The following PPARGC1A variants were observed in gnomAD, a reference collection of about 807,000 sequenced individuals.
PPARGC1A encodes peroxisome proliferator-activated receptor gamma coactivator 1-alpha.
Under a neutral mutation model 88.7 loss-of-function variants are expected in PPARGC1A, and 25 were observed. The ratio of observed to expected loss-of-function variants is 0.28; its 90% confidence interval spans 0.21 to 0.39. The LOEUF (loss-of-function observed/expected upper bound fraction) is 0.39, where lower values mean the gene tolerates loss of function less well. PPARGC1A is among the 10% of genes least tolerant of loss of function. PPARGC1A has a pLI of 1.00. For synonymous variants in PPARGC1A, 363 were observed against 355.6 expected, an observed-to-expected ratio of 1.02 and a Z score of -0.24; for missense variants, 880 against 968.7, an observed-to-expected ratio of 0.91 and a Z score of 1.22.
chr4:24,136,972 G>A, the PPARGC1A span, among the ~76,000 whole-genome samples: 1 of 151,992 alleles, frequency 6.6e-6, no homozygotes, highest in Non-Finnish European at 1.5e-5. Flanking sequence ...AAATTAGCCA[G>A]GTGTGGTGGC....
At chr4:24,121,641 A>G in the PPARGC1A span, among the ~76,000 whole-genome samples, 5 of 152,168 alleles carry the variant, frequency 3.3e-5, no homozygotes, top group Non-Finnish European at 7.3e-5. Context: ...AATGCAGAGG[A>G]AACCACGAGG....
At chr4:23,838,575 A>G (rs1026042687) in intron 2 of PPARGC1A, among the ~76,000 whole-genome samples, 8 of 152,144 alleles carry the variant, frequency 5.3e-5, no homozygotes, top group Admixed American at 5.2e-4. Flanking sequence ...CTTTTTGTCC[A>G]CTCATTTCTT....
chr4:23,793,899 T>C lies in PPARGC1A; in HGVS notation c.*1923A>G, dbSNP rs533719907. ...CTAGGTAGAAAATTTCCACTGGCTT[T>C]ATTATTTTCATCATCTCATAATTTA... On this transcript the variant is annotated 3_prime_UTR_variant, in exon 13 of 13. Coordinates refer to ENST00000264867, the MANE Select transcript of PPARGC1A (RefSeq NM_013261.5). The C allele has an allele frequency of 6.6e-6, 1 of 152,640 alleles. No individual in the cohort carries two copies. Among genetic ancestry groups the C allele is most frequent in the South Asian group, 2.1e-4 (1 of 4,834 alleles). 9.5% of individuals were successfully genotyped at this position (152,640 alleles called of 1,614,324 possible).
At chr4:24,282,576 G>A in the PPARGC1A span, among the ~76,000 whole-genome samples, 237 of 152,320 alleles carry the variant, frequency 1.6e-3, no homozygotes, top group Middle Eastern at 3.4e-3. Context: ...TGTAAGGAAC[G>A]TCTCCATGGG....
the PPARGC1A span, among the ~76,000 whole-genome samples, chr4:24,337,521 G>A: frequency 6.6e-6 from 1 of 152,116 alleles, no homozygotes; most frequent in African/African-American, 2.4e-5. Flanking sequence ...CAGGCGTGGA[G>A]CGCTCCAGGT....
At chr4:23,875,744 G>C (rs1376107239) in intron 2 of PPARGC1A, 1 of 152,114 alleles carries the variant, frequency 6.6e-6, no homozygotes, top group East Asian at 1.9e-4. Flanking sequence ...AGTATTCTCT[G>C]TGTGTATGGA....
chr4:24,190,781 G>C, the PPARGC1A span, among the ~76,000 whole-genome samples: 2 of 152,150 alleles, frequency 1.3e-5, no homozygotes, highest in African/African-American at 4.8e-5. Context: ...TCTAGAAATA[G>C]AGGCAAACTC....
At chr4:23,878,113 C>T (rs1715170960) in intron 2 of PPARGC1A, among the ~76,000 whole-genome samples, 1 of 152,098 alleles carries the variant, frequency 6.6e-6, no homozygotes, top group South Asian at 2.1e-4. Flanking sequence ...CAAAGATATC[C>T]AGGCAGAGTA....
the PPARGC1A span, among the ~76,000 whole-genome samples, chr4:24,235,035 C>T: frequency 1.3e-5 from 2 of 152,056 alleles, no homozygotes; most frequent in South Asian, 4.1e-4. Flanking sequence ...TTGTTTAAGG[C>T]AAGGTAAGAG....
chr4:24,174,299 A>G, the PPARGC1A span, among the ~76,000 whole-genome samples: 2 of 152,238 alleles, frequency 1.3e-5, no homozygotes, highest in East Asian at 3.8e-4. Context: ...TAACCTGACC[A>G]TAAGAATCAC....
chr4:24,315,150 C>G, the PPARGC1A span, among the ~76,000 whole-genome samples: 1 of 152,088 alleles, frequency 6.6e-6, no homozygotes, highest in Non-Finnish European at 1.5e-5. Context: ...TTCATAGAGT[C>G]AAGCCCAGAG....
intron 12 of PPARGC1A, 134 bp downstream of exon 12, chr4:23,801,596 A>T: frequency 9.7e-7 from 1 of 1,029,982 alleles, no homozygotes; most frequent in Non-Finnish European, 1.4e-6. Context: ...CGTTTTTCTT[A>T]AAAATCTGTA....
chr4:24,381,050 C>T, the PPARGC1A span, among the ~76,000 whole-genome samples: 2 of 150,980 alleles, frequency 1.3e-5, no homozygotes, highest in Non-Finnish European at 2.9e-5. Context: ...GGAGCTCTGA[C>T]AATTGGGAGA....
chr4:23,890,570 C>G (rs1717679894), upstream of PPARGC1A, among the ~76,000 whole-genome samples: 1 of 140,334 alleles, frequency 7.1e-6, no homozygotes, highest in Non-Finnish European at 1.5e-5. Flanking sequence ...GACATTTTCT[C>G]ATTGAGGGAG....
chr4:24,179,233 C>T, the PPARGC1A span, among the ~76,000 whole-genome samples: 2 of 152,006 alleles, frequency 1.3e-5, no homozygotes, highest in African/African-American at 4.8e-5. Flanking sequence ...AGAGACTTGT[C>T]CAAGGTGACA....
the PPARGC1A span, among the ~76,000 whole-genome samples, chr4:24,183,823 A>T: frequency 6.6e-6 from 1 of 152,226 alleles, no homozygotes; most frequent in African/African-American, 2.4e-5. Flanking sequence ...TTTTTTTAAT[A>T]AAATGTTACA....
the PPARGC1A span, among the ~76,000 whole-genome samples, chr4:24,156,211 A>C: frequency 2.0e-5 from 3 of 152,156 alleles, no homozygotes; most frequent in African/African-American, 7.2e-5. Flanking sequence ...ATTTTGGGAT[A>C]TATAACACAG....
chr4:23,810,734 G>T (rs1469022525), intron 10 of PPARGC1A, among the ~76,000 whole-genome samples: 2 of 152,018 alleles, frequency 1.3e-5, no homozygotes, highest in Middle Eastern at 3.4e-3. Context: ...TCCTATTTTT[G>T]GGGGAAAAAT....
the PPARGC1A span, among the ~76,000 whole-genome samples, chr4:24,075,306 G>A: frequency 6.6e-6 from 1 of 152,154 alleles, no homozygotes; most frequent in Non-Finnish European, 1.5e-5. Flanking sequence ...GTGTCCACCA[G>A]AGTCATCTCA....
Sources: gnomAD v4.1 joint callset for allele counts (sites outside exome capture counted in the v4.1 genomes callset) on GRCh38, gnomAD v4.1.1 for gene constraint, MANE v1.5 for transcripts, NCBI Gene and HGNC (gene_info 2026-07-23, HGNC 2026-07-21) for gene names.